DIDO1: variants seen among roughly 807,000 people sequenced by gnomAD.
The protein encoded by DIDO1 is death-inducer obliterator 1.
In DIDO1, 16 loss-of-function variants were observed where a neutral mutation model predicts 99.4. The ratio of observed to expected loss-of-function variants is 0.16; its 90% CI spans 0.11 to 0.24. DIDO1 has a LOEUF of 0.24. Among genes scored for constraint, DIDO1 ranks in the 10% least tolerant of loss-of-function variants. The probability of loss-of-function intolerance (pLI) is 1.00; values close to 1 mark genes in which losing one functional copy is unlikely to be tolerated. For synonymous variants in DIDO1, 1,366 were observed against 1,239.1 expected (o/e 1.10, Z -2.15); for missense variants, 2,996 against 3,014.0 (o/e 0.99, Z 0.14).
At chr20:62,923,200 CAG>C (rs2065189437) in intron 1 of DIDO1, among the ~76,000 whole-genome samples, 1 of 151,402 alleles carries the variant, frequency 6.6e-6, no homozygotes, top group African/African-American at 2.4e-5. Flanking sequence ...TTTTTTGAGA[CAG>C]AGTCTCACTG....
At chr20:62,924,706 C>A (rs1166709802) in intron 1 of DIDO1, among the ~76,000 whole-genome samples, 1 of 152,200 alleles carries the variant, frequency 6.6e-6, no homozygotes, top group African/African-American at 2.4e-5. Context: ...CTTTGCGAGG[C>A]TCACATATGC....
rs372310988 is a variant in DIDO1, at chr20:62,907,482, T to C, written c.1162-123A>G. On this transcript the variant is annotated intron_variant, in intron 4 of 15. Coordinates refer to ENST00000395343, the MANE Select transcript of DIDO1 (RefSeq NM_001193369.2). ...CAGTTTCAAAATGAGATACTAACAG[T>C]ACTTTTAATATGAATAAACATTTTG... 5.7e-5 allele frequency: 51 copies of C among 893,378 alleles called. 1 individual carries two copies. The highest frequency in any genetic ancestry group is 2.3e-4 in the East Asian group (9 of 39,536). The allele number at this position is 893,378 out of a possible 1,614,324, so 55.3% of individuals were successfully genotyped here.
At chr20:62,904,807 A>AAAAAAAAT (rs1568859998) in intron 6 of DIDO1, among the ~76,000 whole-genome samples, 1 of 141,706 alleles carries the variant, frequency 7.1e-6, no homozygotes, top group African/African-American at 2.7e-5. Context: ...AAAAAAAAAA[A>AAAAAAAAT]GTGTCTTTTT....
At chr20:62,935,514 T>C (rs1185336814) in intron 1 of DIDO1, among the ~76,000 whole-genome samples, 1 of 152,080 alleles carries the variant, frequency 6.6e-6, no homozygotes, top group Non-Finnish European at 1.5e-5. Flanking sequence ...TCCAGCTTTG[T>C]TAGGGAAGAC....
chr20:62,884,714 G>C (rs1053827521), intron 15 of DIDO1, among the ~76,000 whole-genome samples: 2 of 152,174 alleles, frequency 1.3e-5, no homozygotes, highest in Admixed American at 1.3e-4. Context: ...CTGCTCCACG[G>C]GACACTTCCT....
chr20:62,884,790 G>GCA (rs1373033644), intron 15 of DIDO1, among the ~76,000 whole-genome samples: 4 of 152,088 alleles, frequency 2.6e-5, no homozygotes, highest in Non-Finnish European at 4.4e-5. Flanking sequence ...GAGATTCCCA[G>GCA]CACCTCACCT....
chr20:62,904,731 G>A (rs2064759812), intron 6 of DIDO1, among the ~76,000 whole-genome samples: 1 of 132,758 alleles, frequency 7.5e-6, no homozygotes, highest in African/African-American at 2.9e-5. Context: ...AGTGAGCCGA[G>A]ATCATGCCAC....
Position 62,881,433 on chromosome 20 carries a change from C to G in DIDO1, c.4523G>C (p.Gly1508Ala), listed in dbSNP as rs1416923870. 5.0e-6 allele frequency: 8 copies of G among 1,608,682 alleles called. No individual in the cohort carries two copies. Among genetic ancestry groups the G allele is most frequent in the African/African-American group, 4.0e-5 (3 of 74,904 alleles). Reference sequence around the variant, plus strand: ...CACCGAGAAGTGGGCCATGGAGACCCCGACGGCGGCCCTCTGCTGCCTGAG... The same window carrying G: ...CACCGAGAAGTGGGCCATGGAGACCGCGACGGCGGCCCTCTGCTGCCTGAG... Reference protein sequence around the residue: ...EALRQQRAAVGVSMAHFSVSD... With the variant: ...EALRQQRAAVAVSMAHFSVSD... Residue 1508 changes from glycine to alanine, a missense_variant, in exon 16 of 16, where the codon GGG becomes GCG. Transcript: ENST00000395343. The surrounding 1 kb of genome is among the most constrained non-coding windows in gnomAD (Gnocchi z 8.3).
intron 15 of DIDO1, 42 bp from the exon 16 acceptor site, chr20:62,882,456 C>A (rs1210474682): frequency 6.4e-7 from 1 of 1,562,028 alleles, no homozygotes; most frequent in Admixed American, 1.8e-5. Flanking sequence ...AATCTAAATC[C>A]AGCTTTTACC....
upstream of DIDO1, among the ~76,000 whole-genome samples, chr20:62,927,896 T>C (rs774654698): frequency 2.6e-5 from 4 of 152,194 alleles, no homozygotes; most frequent in Non-Finnish European, 4.4e-5. Flanking sequence ...TGATCTCAGG[T>C]TGCAAAGAGG....
At chr20:62,913,441 A>T (rs2064984358) in intron 2 of DIDO1, among the ~76,000 whole-genome samples, 1 of 152,242 alleles carries the variant, frequency 6.6e-6, no homozygotes, top group African/African-American at 2.4e-5. Context: ...CTGATCCAGG[A>T]GGCAATGCTG....
At chr20:62,929,692 A>AAAAAAAAAAAAATATATATATATATATAT, upstream of DIDO1, among the ~76,000 whole-genome samples, 14 of 63,708 alleles carry the variant, frequency 2.2e-4, no homozygotes, top group African/African-American at 9.9e-4. Context: ...AAAAAGAAAA[A>AAAAAAAAAAAAATATATATATATATATAT]GTGTATATAT....
rs778034157 is a variant in DIDO1, at chr20:62,880,305, C to T, written c.5651G>A (p.Gly1884Asp). Residue 1884 changes from glycine to aspartate, a missense_variant, in exon 16 of 16, where the codon GGC (glycine) becomes GAC (aspartate). Around this residue, in one of 5 missense-constraint regions of DIDO1, gnomAD observed 1,562 missense variants for 1,412.6 expected, o/e 1.11. Transcript: ENST00000395343. The stretch of plus-strand genomic sequence containing the variant: ...CTGGCCTCCGAACTGGAAAGGCGCG[C>T]CGCCTCTGCTTCCCAGAAATGGGGC... ...EQAPFLGSRG[G>D]APFQFGGQRR... The T allele has an allele frequency of 3.7e-6, 6 of 1,612,706 alleles. No homozygotes were observed. The South Asian group carries it at 5.5e-5, about 15-fold the overall frequency.
At chr20:62,933,469 G>T (rs954089228) in intron 1 of DIDO1, among the ~76,000 whole-genome samples, 2 of 152,156 alleles carry the variant, frequency 1.3e-5, no homozygotes, top group African/African-American at 4.8e-5. Flanking sequence ...AGTATGTAGG[G>T]GTTTGATTTT....
At chr20:62,922,543 G>A (rs1411455174) in intron 1 of DIDO1, among the ~76,000 whole-genome samples, 7 of 152,134 alleles carry the variant, frequency 4.6e-5, no homozygotes, top group Non-Finnish European at 1.0e-4. Flanking sequence ...TATCTGTCTA[G>A]GAACGCGGGG....
intron 1 of DIDO1, among the ~76,000 whole-genome samples, chr20:62,932,875 AGATTCTTTACAGGGTCT>A (rs1420974805): frequency 6.6e-6 from 1 of 152,256 alleles, no homozygotes; most frequent in Non-Finnish European, 1.5e-5. Flanking sequence ...TCACCAGTGA[AGATTCTTTACAGGGTCT>A]GGGTTCACCA....
intron 1 of DIDO1, chr20:62,937,726 G>A (rs143695611): frequency 1.5e-3 from 599 of 396,984 alleles, no homozygotes; most frequent in Middle Eastern, 6.3e-3. Flanking sequence ...GGGCGGCCGC[G>A]GACACCCGGC....
In DIDO1 at chr20:62,894,636, G is replaced by C; in HGVS notation, c.2437-88C>G. On this transcript the variant is annotated intron_variant, in intron 10 of 15. Transcript: ENST00000395343. The surrounding 1 kb of genome is among the most constrained non-coding windows in gnomAD (Gnocchi z 4.4). ...CACACACAAGAAAAGCAGTCTCATG[G>C]GATTGAGACCCACGGGGGAGAAAAA... The C allele has an allele frequency of 8.5e-6, 13 of 1,529,078 alleles. No individual in the cohort carries two copies. The highest frequency in any genetic ancestry group is 1.1e-5 in the Non-Finnish European group (13 of 1,137,220). The allele number at this position is 1,529,078 out of a possible 1,614,324, so 94.7% of individuals were successfully genotyped here.
Position 62,911,088 on chromosome 20 carries a change from C to T in DIDO1, c.525G>A (p.Glu175=), listed in dbSNP as rs1368851232. 1.2e-6 allele frequency: 2 copies of T among 1,613,974 alleles called. No homozygotes were observed. The highest frequency in any genetic ancestry group is 1.7e-6 in the Non-Finnish European group (2 of 1,180,038). The change falls in exon 3 of 16, where the codon GAG becomes GAA. Residue 175 remains glutamate, a synonymous_variant. Transcript: ENST00000395343. This position sits in a 1 kb window ranked among gnomAD's most constrained non-coding sequence, Gnocchi z 7.0. ...TCCCTTTCAGGGGCCTCTCAGTGGG[C>T]TCCTGTTCCCGCTTCCTGCGAAGGC... ...QNRLRRKREQ[E]PTERPLKGIQ...
Sources: gnomAD v4.1 joint callset for allele counts (sites outside exome capture counted in the v4.1 genomes callset) on GRCh38, gnomAD v4.1.1 for gene constraint, gnomAD v4.1.1 regional missense constraint, Gnocchi (gnomAD v3.1) non-coding constraint, MANE v1.5 for transcripts, NCBI Gene and HGNC (gene_info 2026-07-23, HGNC 2026-07-21) for gene names.